RGS22: variants seen among roughly 807,000 people sequenced by gnomAD.
RGS22 encodes the protein regulator of G-protein signaling 22.
Under a neutral mutation model 172.9 loss-of-function variants are expected in RGS22, and 148 were observed. The observed-to-expected ratio is 0.86, with a 90% CI of 0.75 to 0.98. The LOEUF (loss-of-function observed/expected upper bound fraction) is 0.98, where lower values mean the gene tolerates loss of function less well. Ranked by LOEUF, RGS22 falls within the 50% of genes least tolerant of loss-of-function variation. The probability of loss-of-function intolerance (pLI) is 0.00; values close to 1 mark genes in which losing one functional copy is unlikely to be tolerated. For missense variants in RGS22, 1,347 were observed against 1,440.8 expected (o/e 0.93, Z 1.05); for synonymous variants, 458 against 480.2 (o/e 0.95, Z 0.60).
Position 100,100,417 on chromosome 8 carries a change from G to A in RGS22, c.54+4957C>T, listed in dbSNP as rs532313548. Among the ~76,000 whole-genome samples the A allele has an allele frequency of 2.0e-5, 3 of 151,844 alleles. No individual in the cohort carries two copies. The East Asian group carries it at 5.8e-4, about 30-fold the overall frequency. ...CAATTCTCCTGCTTCAGCCTCCCAA[G>A]TAGCTGGTACTACAGGCATGTGCCA... On this transcript the variant is annotated intron_variant, in intron 2 of 27. Transcript: ENST00000360863.
chr8:100,004,740 T>C (rs1029093944), intron 16 of RGS22: 32 of 151,490 alleles, frequency 2.1e-4, no homozygotes, highest in African/African-American at 7.5e-4. Flanking sequence ...AAGATATTCT[T>C]TTATAACATA....
Position 100,060,421 on chromosome 8 carries a change from T to TATATATATAC in RGS22, c.1514+2169_1514+2170insGTATATATAT, listed in dbSNP as rs1245783464. ...CTACGTGTATATATATATATATATA[T>TATATATATAC]ACACACACACACACACACACGCACC... is the stretch of plus-strand genomic sequence containing the variant. On this transcript the variant is annotated intron_variant, in intron 9 of 27. Coordinates refer to ENST00000360863, the MANE Select transcript of RGS22 (RefSeq NM_015668.5). Among the ~76,000 whole-genome samples the TATATATATAC allele has an allele frequency of 3.0e-3, 363 of 119,500 alleles. 3 individuals are homozygous for TATATATATAC. The highest frequency in any genetic ancestry group is 8.0e-3 in the African/African-American group (278 of 34,584). The allele number at this position is 119,500 out of a possible 152,430, so 78.4% of individuals were successfully genotyped here. A position where few individuals can be genotyped will look rare whatever the true frequency, so the allele number is the denominator to read the frequency against.
chr8:100,019,411 TG>T (rs1406778025), intron 14 of RGS22, among the ~76,000 whole-genome samples: 4 of 152,246 alleles, frequency 2.6e-5, no homozygotes, highest in African/African-American at 4.8e-5. Context: ...TATGATTGCC[TG>T]GTAACACTGA....
rs149708770 is a variant in RGS22 at position 100,005,761 on chromosome 8, C to G, written c.2454+256G>C. ...ATAACACAGTTGAAGGCTCCAATGT[C>G]TGGTCTTAGCTAAGGCAAATGAGTG... On this transcript the variant is annotated intron_variant, in intron 16 of 27. Coordinates refer to ENST00000360863, the MANE Select transcript of RGS22 (RefSeq NM_015668.5). Among the ~76,000 whole-genome samples the G allele has an allele frequency of 6.0e-3, 914 of 152,298 alleles. 13 individuals are homozygous for G. Among genetic ancestry groups the G allele is most frequent in the African/African-American group, 0.021 (857 of 41,556 alleles).
At chr8:100,048,063 C>T (rs562879692) in intron 10 of RGS22, among the ~76,000 whole-genome samples, 3 of 152,108 alleles carry the variant, frequency 2.0e-5, no homozygotes, top group Non-Finnish European at 2.9e-5. Context: ...GCACTATTTC[C>T]TTCCATTTTG....
intron 3 of RGS22, among the ~76,000 whole-genome samples, chr8:100,087,657 C>T (rs1303654006): frequency 6.6e-6 from 1 of 152,102 alleles, no homozygotes; most frequent in African/African-American, 2.4e-5. Flanking sequence ...CATCTCTGCT[C>T]CAACTCTGTC....
chr8:100,079,252 C>G (rs1197833785), intron 4 of RGS22, among the ~76,000 whole-genome samples: 1 of 152,140 alleles, frequency 6.6e-6, no homozygotes, highest in Non-Finnish European at 1.5e-5. Context: ...GAATATATAT[C>G]CTTGTTCTGG....
In RGS22 at chr8:99,982,128, G is replaced by A; in HGVS notation, c.3181-12C>T. 6.3e-7 allele frequency: 1 copy of A among 1,594,394 alleles called. No homozygotes were observed. The highest frequency in any genetic ancestry group is 8.6e-7 in the Non-Finnish European group (1 of 1,169,224). ...GAATGGCACAAGTCCTGAACAGAAG[G>A]AAAGATAGAATGGTATATAATTAAT... On this transcript the variant is annotated splice_polypyrimidine_tract_variant and intron_variant, in intron 21 of 27. Coordinates refer to ENST00000360863, the MANE Select transcript of RGS22 (RefSeq NM_015668.5).
intron 14 of RGS22, among the ~76,000 whole-genome samples, chr8:100,025,845 T>G (rs1818116570): frequency 6.6e-6 from 1 of 152,198 alleles, no homozygotes; most frequent in Non-Finnish European, 1.5e-5. Flanking sequence ...AATCCAAATT[T>G]TACGGGGGAG....
At chr8:99,978,466 C>T (rs760933814) in intron 22 of RGS22, among the ~76,000 whole-genome samples, 15 of 152,142 alleles carry the variant, frequency 9.9e-5, no homozygotes, top group Non-Finnish European at 1.9e-4. Context: ...ATGTCCAGTT[C>T]ATCAAGGAAA....
intron 23 of RGS22, among the ~76,000 whole-genome samples, chr8:99,968,997 G>A (rs1811049685): frequency 6.6e-6 from 1 of 152,108 alleles, no homozygotes; most frequent in Non-Finnish European, 1.5e-5. Flanking sequence ...TTATAGGTCA[G>A]GTTACCTATA....
intron 9 of RGS22, among the ~76,000 whole-genome samples, chr8:100,056,445 T>C (rs1434482676): frequency 6.6e-6 from 1 of 152,166 alleles, no homozygotes; most frequent in African/African-American, 2.4e-5. Context: ...CCAGGGCATG[T>C]CAGAGACCTT....
intron 14 of RGS22, among the ~76,000 whole-genome samples, chr8:100,034,647 T>C (rs1284067776): frequency 1.3e-5 from 2 of 152,138 alleles, no homozygotes; most frequent in Admixed American, 1.3e-4. Flanking sequence ...AAAAAGAGCC[T>C]GCATTTCCAA....
At chr8:99,962,572 G>A (rs1810321412) in intron 26 of RGS22, 115 bp downstream of exon 26, 25 of 1,389,618 alleles carry the variant, frequency 1.8e-5, no homozygotes, top group Non-Finnish European at 2.4e-5. Context: ...GCAGAATAGG[G>A]TGGAGGGGTC....
Position 100,093,475 on chromosome 8 carries a change from T to A in RGS22, c.89A>T (p.Asp30Val), listed in dbSNP as rs1342463757. ...AAGGCTTAGGAATTCATTAAAGTAG[T>A]CTACAAGGAAATCATCTGTTGCCAG... ...DSLATDDFLV[D>V]YFNEFLSLPT... Residue 30 changes from aspartate (D) to valine (V), a missense_variant, in exon 3 of 28, where the codon GAC becomes GTC. Transcript: ENST00000360863. The A allele has an allele frequency of 6.3e-7, 1 of 1,597,772 alleles. No homozygotes were observed. The highest frequency in any genetic ancestry group is 2.2e-5 in the East Asian group (1 of 44,636).
chr8:100,016,397 C>T (rs1232017354), intron 14 of RGS22, among the ~76,000 whole-genome samples: 2 of 151,936 alleles, frequency 1.3e-5, no homozygotes, highest in African/African-American at 4.8e-5. Flanking sequence ...TTCCTCACCA[C>T]GTTTATTGAA....
intron 23 of RGS22, among the ~76,000 whole-genome samples, chr8:99,976,210 T>C (rs1418717059): frequency 6.6e-6 from 1 of 151,824 alleles, no homozygotes; most frequent in East Asian, 1.9e-4. Flanking sequence ...ATAAAAAAAA[T>C]AAAAATAAAA....
At position 99,981,974 on chromosome 8, in the gene RGS22, C is replaced by T. The variant is rs551799426; in HGVS notation, c.3323G>A (p.Arg1108Gln). The T allele has an allele frequency of 9.0e-5, 146 of 1,613,818 alleles. 1 individual carries two copies. Among genetic ancestry groups the T allele is most frequent in the Admixed American group, 2.0e-4 (12 of 59,990 alleles). The change falls in exon 22 of 28, where the codon CGG (arginine) becomes CAG (glutamine). Residue 1108 changes from arginine (R) to glutamine (Q), a missense_variant. Coordinates refer to ENST00000360863, the MANE Select transcript of RGS22 (RefSeq NM_015668.5). Reference sequence around the variant, plus strand: ...AAATACATATGGTCCTAACTCCTTCCGGTGTTCAATAATCTTCTGGGCTTG... The same window carrying T: ...AAATACATATGGTCCTAACTCCTTCTGGTGTTCAATAATCTTCTGGGCTTG... ...VEQAQKIIEH[R>Q]KELGPYVFRE...
At chr8:100,002,447 G>A in intron 17 of RGS22, 83 bp from the exon 18 acceptor site, 1 of 1,378,704 alleles carries the variant, frequency 7.3e-7, no homozygotes, top group Non-Finnish European at 9.8e-7. Context: ...TGTTTTGACA[G>A]AACTTAGAAA....
Sources: gnomAD v4.1 joint callset for allele counts (sites outside exome capture counted in the v4.1 genomes callset) on GRCh38, gnomAD v4.1.1 for gene constraint, MANE v1.5 for transcripts, NCBI Gene and HGNC (gene_info 2026-07-23, HGNC 2026-07-21) for gene names.